Variants in NRCAM observed in about 807,000 individuals in gnomAD.
NRCAM encodes the protein neuronal cell adhesion molecule, also known as NgCAM-related cell adhesion molecule.
NRCAM carries 83 observed loss-of-function variants against 156.5 expected under a neutral mutation model. The observed-to-expected ratio is 0.53, with a 90% CI of 0.44 to 0.64. The LOEUF (loss-of-function observed/expected upper bound fraction) is 0.64. Among genes scored for constraint, NRCAM ranks in the 30% least tolerant of loss-of-function variants. The probability of loss-of-function intolerance (pLI) is 0.00; values close to 1 mark genes in which losing one functional copy is unlikely to be tolerated. For missense variants in NRCAM, 1,417 were observed against 1,597.3 expected (o/e 0.89, Z 1.92); for synonymous variants, 538 against 563.9 (o/e 0.95, Z 0.65).
chr7:108,164,573 G>C (rs538391787), intron 30 of NRCAM, among the ~76,000 whole-genome samples: 7 of 151,810 alleles, frequency 4.6e-5, no homozygotes, highest in African/African-American at 1.2e-4. Context: ...GAGAGGAGAG[G>C]AGGAGCAGGA....
chr7:108,347,916 C>A (rs1050204979), intron 2 of NRCAM, among the ~76,000 whole-genome samples: 1 of 152,148 alleles, frequency 6.6e-6, no homozygotes, highest in Non-Finnish European at 1.5e-5. Context: ...TCTGCCTAAA[C>A]CCGCCTCCTC....
intron 13 of NRCAM, among the ~76,000 whole-genome samples, chr7:108,202,968 T>C (rs1428653505): frequency 1.3e-5 from 2 of 152,072 alleles, no homozygotes; most frequent in African/African-American, 4.8e-5. Context: ...CCTGCAGAGA[T>C]AGGAATCACA....
intron 30 of NRCAM, among the ~76,000 whole-genome samples, chr7:108,166,166 G>C (rs1401474795): frequency 6.6e-6 from 1 of 151,910 alleles, no homozygotes; most frequent in Non-Finnish European, 1.5e-5. Context: ...AATAATATCT[G>C]TATCAGTTGT....
At chr7:108,234,920 A>G (rs2094767784) in intron 5 of NRCAM, 1 of 663,486 alleles carries the variant, frequency 1.5e-6, no homozygotes, top group Non-Finnish European at 2.8e-6. Context: ...TGCAAAGTCC[A>G]TTTTCTCACA....
At chr7:108,394,878 T>G (rs907654326) in intron 2 of NRCAM, among the ~76,000 whole-genome samples, 1 of 152,214 alleles carries the variant, frequency 6.6e-6, no homozygotes, top group Non-Finnish European at 1.5e-5. Flanking sequence ...CTAAAACAAA[T>G]AGCAAAGATA....
At chr7:108,437,360 AT>A (rs1424840430) in intron 1 of NRCAM, among the ~76,000 whole-genome samples, 1 of 152,222 alleles carries the variant, frequency 6.6e-6, no homozygotes, top group Non-Finnish European at 1.5e-5. Flanking sequence ...AAGACCTATT[AT>A]TTGATAGCAC....
intron 3 of NRCAM, among the ~76,000 whole-genome samples, chr7:108,258,178 C>T (rs1398529887): frequency 1.3e-5 from 2 of 152,166 alleles, no homozygotes; most frequent in Non-Finnish European, 2.9e-5. Flanking sequence ...AGTTAACACC[C>T]TCAGCTTCAG....
intron 1 of NRCAM, among the ~76,000 whole-genome samples, chr7:108,447,856 G>A (rs1258303052): frequency 6.6e-6 from 1 of 152,102 alleles, no homozygotes; most frequent in Non-Finnish European, 1.5e-5. Context: ...AGAATATTTC[G>A]TATTGAGTGC....
chr7:108,412,496 A>G (rs1365412441), intron 1 of NRCAM, among the ~76,000 whole-genome samples: 3 of 152,176 alleles, frequency 2.0e-5, no homozygotes, highest in African/African-American at 7.2e-5. Context: ...GCATTGTGGC[A>G]TGGCTAAATC....
chr7:108,376,356 C>A (rs957611265), intron 2 of NRCAM, among the ~76,000 whole-genome samples: 3 of 152,144 alleles, frequency 2.0e-5, no homozygotes, highest in African/African-American at 7.2e-5. Flanking sequence ...CTGGAGGTAA[C>A]CTGGTTCCTG....
chr7:108,270,806 G>A (rs533612350), intron 3 of NRCAM, among the ~76,000 whole-genome samples: 3 of 152,362 alleles, frequency 2.0e-5, no homozygotes, highest in South Asian at 2.1e-4. Flanking sequence ...CCATTTATAT[G>A]AGTTACCCAG....
chr7:108,274,301 T>C (rs1225092878), intron 3 of NRCAM, among the ~76,000 whole-genome samples: 1 of 152,228 alleles, frequency 6.6e-6, no homozygotes, highest in Non-Finnish European at 1.5e-5. Context: ...TTGATAGGGA[T>C]AGCATTCAAT....
chr7:108,297,688 C>A (rs1200654545), intron 3 of NRCAM, among the ~76,000 whole-genome samples: 5 of 151,820 alleles, frequency 3.3e-5, no homozygotes, highest in Admixed American at 2.6e-4. Context: ...ATAAAAAAAA[C>A]AACAACTGCA....
chr7:108,278,397 A>G (rs1326657624), intron 3 of NRCAM, among the ~76,000 whole-genome samples: 1 of 152,200 alleles, frequency 6.6e-6, no homozygotes. Flanking sequence ...GGTTCTGCCC[A>G]GTTTGAGCTT....
At chr7:108,197,203 C>G (rs1249458567) in intron 14 of NRCAM, among the ~76,000 whole-genome samples, 1 of 152,114 alleles carries the variant, frequency 6.6e-6, no homozygotes, top group Admixed American at 6.5e-5. Context: ...AATCAGCAGC[C>G]AAAAGTGCTT....
In NRCAM at chr7:108,184,545, C is replaced by T. The variant is rs767217661; in HGVS notation, c.2105G>A (p.Gly702Glu). 78 of 1,613,886 alleles carry T rather than the reference C, an allele frequency of 4.8e-5. No individual in the cohort carries two copies. The highest frequency in any genetic ancestry group is 6.3e-5 in the Non-Finnish European group (74 of 1,180,014). The change falls in exon 21 of 33, where the codon GGA becomes GAA. Residue 702 changes from glycine to glutamate, a missense_variant. Around this residue, in one of 2 missense-constraint regions of NRCAM, gnomAD observed 1,238 missense variants for 1,336.4 expected, o/e 0.93. Coordinates refer to ENST00000379028, the MANE Select transcript of NRCAM (RefSeq NM_001037132.4). ...CTTCAGCTGGGCTGTGGTCTGTGTT[C>T]CAGAAACTTCAGTTTGGTGGTGCCA... ...GLWHHQTEVS[G>E]TQTTAQLKLS...
At chr7:108,391,353 G>T (rs1409127178) in intron 2 of NRCAM, among the ~76,000 whole-genome samples, 10 of 151,970 alleles carry the variant, frequency 6.6e-5, no homozygotes, top group Admixed American at 2.0e-4. Context: ...CTTTTGATCT[G>T]TGTTGGTTTA....
intron 5 of NRCAM, among the ~76,000 whole-genome samples, chr7:108,237,485 T>C (rs1589494701): frequency 6.6e-6 from 1 of 152,154 alleles, no homozygotes; most frequent in African/African-American, 2.4e-5. Context: ...TTGAGTTACA[T>C]CAGATGTGAA....
chr7:108,299,159 A>AAC (rs1179936585), intron 3 of NRCAM, among the ~76,000 whole-genome samples: 5 of 146,698 alleles, frequency 3.4e-5, no homozygotes, highest in African/African-American at 5.0e-5. Flanking sequence ...TAAAAAAAAA[A>AAC]AAAACCCAAA....
Sources: gnomAD v4.1 joint callset for allele counts (sites outside exome capture counted in the v4.1 genomes callset) on GRCh38, gnomAD v4.1.1 for gene constraint, gnomAD v4.1.1 regional missense constraint, MANE v1.5 for transcripts, NCBI Gene and HGNC (gene_info 2026-07-23, HGNC 2026-07-21) for gene names.